MARCHF1: variants seen among roughly 807,000 people sequenced by gnomAD.
The protein encoded by MARCHF1 is E3 ubiquitin-protein ligase MARCHF1.
In MARCHF1, 40 loss-of-function variants were observed where a neutral mutation model predicts 54.2. That is an observed-to-expected ratio of 0.74 (90% CI 0.57 to 0.96). The LOEUF is 0.96. Among genes scored for constraint, MARCHF1 ranks in the 40% least tolerant of loss-of-function variants. The probability of loss-of-function intolerance (pLI) is 0.00; values close to 1 mark genes in which losing one functional copy is unlikely to be tolerated. For missense variants in MARCHF1, 586 were observed against 656.5 expected (o/e 0.89, Z 1.17); for synonymous variants, 236 against 236.3 (o/e 1.00, Z 0.01).
chr4:164,142,489 A>T (rs188240161), intron 1 of MARCHF1, among the ~76,000 whole-genome samples: 176 of 152,262 alleles, frequency 1.2e-3, no homozygotes, highest in African/African-American at 3.9e-3. Flanking sequence ...ACCAGCAGAC[A>T]GCCTCCTCAA....
At chr4:164,353,954 A>C (rs1730432761) in intron 1 of MARCHF1, among the ~76,000 whole-genome samples, 1 of 98,824 alleles carries the variant, frequency 1.0e-5, no homozygotes, top group African/African-American at 3.8e-5. Flanking sequence ...CCACAGAAAT[A>C]CAAACTACCA....
intron 3 of MARCHF1, among the ~76,000 whole-genome samples, chr4:163,901,558 T>C (rs1750941434): frequency 6.6e-6 from 1 of 152,198 alleles, no homozygotes; most frequent in Non-Finnish European, 1.5e-5. Context: ...GCACACTTAC[T>C]GCACACAGAG....
At chr4:163,524,391 A>C (rs1457054864), downstream of MARCHF1, 1 of 152,154 alleles carries the variant, frequency 6.6e-6, no homozygotes, top group Non-Finnish European at 1.5e-5. Flanking sequence ...TGAATCCACT[A>C]TTATCTCTGA....
intron 1 of MARCHF1, among the ~76,000 whole-genome samples, chr4:164,294,523 C>T (rs546478727): frequency 3.9e-5 from 6 of 152,278 alleles, no homozygotes; most frequent in African/African-American, 9.6e-5. Flanking sequence ...CTGCAAAAAA[C>T]AACTGCTTCC....
At chr4:164,163,064 AT>A (rs1730281682) in intron 1 of MARCHF1, among the ~76,000 whole-genome samples, 1 of 152,118 alleles carries the variant, frequency 6.6e-6, no homozygotes, top group Non-Finnish European at 1.5e-5. Flanking sequence ...AATTAAGAAC[AT>A]TTCAGAAAAA....
intron 1 of MARCHF1, among the ~76,000 whole-genome samples, chr4:164,222,117 C>T (rs1732130615): frequency 6.6e-6 from 1 of 151,794 alleles, no homozygotes; most frequent in African/African-American, 2.4e-5. Context: ...AAGTGCCTTT[C>T]AAATTAATTC....
chr4:164,144,197 CT>C (rs1258026054), intron 1 of MARCHF1, among the ~76,000 whole-genome samples: 1 of 150,532 alleles, frequency 6.6e-6, no homozygotes, highest in East Asian at 1.9e-4. Context: ...TACAAAGAGA[CT>C]TAGACTCCCA....
intron 3 of MARCHF1, among the ~76,000 whole-genome samples, chr4:163,908,677 C>A (rs886458656): frequency 6.6e-6 from 1 of 151,930 alleles, no homozygotes; most frequent in Non-Finnish European, 1.5e-5. Flanking sequence ...AAAGTCCTAC[C>A]CAGAATTCAG....
At chr4:164,220,410 T>C (rs975567287) in intron 1 of MARCHF1, among the ~76,000 whole-genome samples, 2 of 146,790 alleles carry the variant, frequency 1.4e-5, no homozygotes, top group African/African-American at 4.9e-5. Context: ...TTCCATTTTA[T>C]ATATATATGT....
In MARCHF1 at chr4:164,297,598, A is replaced by G. The variant is rs539410010; in HGVS notation, c.-323+86272T>C. 3.9e-5 allele frequency among the ~76,000 whole-genome samples: 6 copies of G among 152,296 alleles called. No homozygotes were observed. The East Asian group carries it at 9.7e-4, about 25-fold the overall frequency. ...AAGGAAAACGATGACTAGACATGGC[A>G]TAATATTCTAGGTGGGATTGTGGAT... On this transcript the variant is annotated intron_variant, in intron 1 of 9. Transcript: ENST00000514618.
chr4:164,250,414 T>A (rs191500758), intron 1 of MARCHF1, among the ~76,000 whole-genome samples: 4 of 149,602 alleles, frequency 2.7e-5, no homozygotes, highest in Non-Finnish European at 5.9e-5. Flanking sequence ...ATGTGGACAC[T>A]GTGAAATATA....
chr4:164,175,078 T>C (rs137958526), intron 1 of MARCHF1, among the ~76,000 whole-genome samples: 2 of 152,310 alleles, frequency 1.3e-5, no homozygotes, highest in East Asian at 1.9e-4. Context: ...CTTACTATCA[T>C]TGTCACCCTA....
At chr4:163,554,567 A>G (rs1348822794) in intron 8 of MARCHF1, among the ~76,000 whole-genome samples, 3 of 152,172 alleles carry the variant, frequency 2.0e-5, no homozygotes, top group African/African-American at 7.2e-5. Flanking sequence ...GGTTAGGGAG[A>G]CTTGGGTCAG....
chr4:164,190,229 CAAG>C (rs1343673026), intron 1 of MARCHF1: 3 of 1,353,412 alleles, frequency 2.2e-6, no homozygotes, highest in Non-Finnish European at 3.1e-6. Flanking sequence ...TCGAAGCTAA[CAAG>C]AAGGAACTGG....
At chr4:164,365,361 G>C (rs1730848928) in intron 1 of MARCHF1, among the ~76,000 whole-genome samples, 1 of 151,942 alleles carries the variant, frequency 6.6e-6, no homozygotes, top group African/African-American at 2.4e-5. Context: ...GCATTAACAA[G>C]ACTTTGCTTT....
chr4:163,999,726 A>T (rs1753149257), intron 2 of MARCHF1, among the ~76,000 whole-genome samples: 1 of 151,544 alleles, frequency 6.6e-6, no homozygotes, highest in Non-Finnish European at 1.5e-5. Context: ...ATATCTGCCA[A>T]ATAATGTAGT....
intron 4 of MARCHF1, among the ~76,000 whole-genome samples, chr4:163,741,301 C>G (rs1013508301): frequency 2.0e-5 from 3 of 151,994 alleles, no homozygotes; most frequent in African/African-American, 7.2e-5. Context: ...TGTATGTGTA[C>G]AGGCCGGGTG....
intron 1 of MARCHF1, among the ~76,000 whole-genome samples, chr4:164,214,487 A>C (rs1481222698): frequency 6.6e-6 from 1 of 152,158 alleles, no homozygotes; most frequent in Non-Finnish European, 1.5e-5. Flanking sequence ...TCCACTTTTT[A>C]AATGTCTAAT....
At chr4:163,699,337 T>C (rs76470797) in intron 5 of MARCHF1, among the ~76,000 whole-genome samples, 1 of 152,210 alleles carries the variant, frequency 6.6e-6, no homozygotes, top group South Asian at 2.1e-4. Flanking sequence ...TATGGAGGAA[T>C]GGCAGGCATG....
Sources: allele counts gnomAD v4.1 joint callset (sites outside exome capture counted in the v4.1 genomes callset), GRCh38; gene constraint gnomAD v4.1.1; transcripts MANE v1.5; gene names NCBI Gene and HGNC (gene_info 2026-07-23, HGNC 2026-07-21).